Variants in CNTLN observed in about 807,000 individuals in gnomAD.
CNTLN encodes the protein centlein, centrosomal protein.
Under a neutral mutation model 180.0 loss-of-function variants are expected in CNTLN, and 212 were observed. The observed-to-expected ratio is 1.18, with a 90% confidence interval of 1.05 to 1.32. The LOEUF (loss-of-function observed/expected upper bound fraction) is 1.32, where lower values mean the gene tolerates loss of function less well. CNTLN is among the 40% of genes most tolerant of loss of function. CNTLN has a pLI of 0.00. For synonymous variants in CNTLN, 722 were observed against 563.1 expected (o/e 1.28, Z -3.99); for missense variants, 2,095 against 1,610.9 (o/e 1.30, Z -5.14).
At chr9:17,248,966 A>G (rs1417090707) in intron 5 of CNTLN, among the ~76,000 whole-genome samples, 1 of 151,118 alleles carries the variant, frequency 6.6e-6, no homozygotes, top group Non-Finnish European at 1.5e-5. Flanking sequence ...TTTTTTCTTT[A>G]GTAATCTAGC....
intron 23 of CNTLN, among the ~76,000 whole-genome samples, chr9:17,473,956 G>A (rs1289294324): frequency 6.6e-6 from 1 of 152,038 alleles, no homozygotes; most frequent in Non-Finnish European, 1.5e-5. Context: ...ACACTGTATT[G>A]GTTTTCCTCA....
chr9:17,486,975 T>A lies in CNTLN; in HGVS notation c.4042-14T>A. On this transcript the variant is annotated splice_polypyrimidine_tract_variant and intron_variant, in intron 24 of 25. Coordinates refer to ENST00000380647, the MANE Select transcript of CNTLN (RefSeq NM_017738.4). ...AATTTCGTTAACACCAGTGTTTTTA[T>A]TTTTTTTCTTCAGGAAATTGAAAAA... 1 of 1,493,760 alleles carries A rather than the reference T, an allele frequency of 6.7e-7. No homozygotes were observed. The allele number at this position is 1,493,760 out of a possible 1,614,324, so 92.5% of individuals were successfully genotyped here. A position where few individuals can be genotyped will look rare whatever the true frequency, so the allele number is the denominator to read the frequency against.
intron 18 of CNTLN, among the ~76,000 whole-genome samples, chr9:17,441,516 G>A (rs984512961): frequency 1.3e-5 from 2 of 151,350 alleles, no homozygotes; most frequent in South Asian, 4.2e-4. Flanking sequence ...TTTTATGTAA[G>A]CTCCATGGTG....
At chr9:17,504,766 G>A (rs1188290865), downstream of CNTLN, among the ~76,000 whole-genome samples, 1 of 152,142 alleles carries the variant, frequency 6.6e-6, no homozygotes, top group Non-Finnish European at 1.5e-5. Context: ...GATGTGGATG[G>A]CCCTTGGAGA....
At position 17,484,323 on chromosome 9, in the gene CNTLN, TCCATGTGGTAAGGCGA is replaced by T; in HGVS notation, c.3886_3901del (p.His1296LysfsTer2). The T allele has an allele frequency of 6.2e-7, 1 of 1,604,306 alleles. No homozygotes were observed. The highest frequency in any genetic ancestry group is 1.7e-4 in the Middle Eastern group (1 of 6,018). On this transcript the variant is annotated frameshift_variant, in exon 24 of 26. Coordinates refer to ENST00000380647, the MANE Select transcript of CNTLN (RefSeq NM_017738.4). LOFTEE classifies it high-confidence loss of function. ...TTGGCCAAAGAGTTGCAAAATGATGTCCATGTGGTAAGGCGACAAATAAGAGAGCTTAAAAAAATGA... is the reference window on the plus strand; with the variant it reads ...TTGGCCAAAGAGTTGCAAAATGATGTCAAATAAGAGAGCTTAAAAAAATGA...
chr9:17,167,630 T>A (rs1301918813), intron 2 of CNTLN: 5 of 152,214 alleles, frequency 3.3e-5, no homozygotes. Context: ...TGAAAAATTC[T>A]ACAATGAGGT....
intron 23 of CNTLN, among the ~76,000 whole-genome samples, chr9:17,469,870 T>TGATTCCTTGTGCCTCAGTTTCCTTA (rs1564133337): frequency 3.3e-5 from 5 of 152,064 alleles, no homozygotes; most frequent in African/African-American, 1.2e-4. Context: ...GGATCGTGAC[T>TGATTCCTTGTGCCTCAGTTTCCTTA]GATTCCTTGT....
intron 1 of CNTLN, among the ~76,000 whole-genome samples, chr9:17,138,380 A>G (rs1029374190): frequency 6.6e-6 from 1 of 152,226 alleles, no homozygotes; most frequent in Non-Finnish European, 1.5e-5. Context: ...GGGTATTTAA[A>G]TGAAATATGA....
intron 6 of CNTLN, among the ~76,000 whole-genome samples, chr9:17,297,541 C>T (rs1272403525): frequency 6.6e-6 from 1 of 151,762 alleles, no homozygotes; most frequent in Non-Finnish European, 1.5e-5. Context: ...CTCTTAGTGC[C>T]ATCATTACCA....
chr9:17,484,848 GT>G (rs549615980), intron 24 of CNTLN, among the ~76,000 whole-genome samples: 1 of 151,882 alleles, frequency 6.6e-6, no homozygotes, highest in Non-Finnish European at 1.5e-5. Context: ...TTGATTTGAA[GT>G]TTTTTTCTCT....
At chr9:17,219,456 C>T (rs950663469) in intron 2 of CNTLN, among the ~76,000 whole-genome samples, 43 of 152,006 alleles carry the variant, frequency 2.8e-4, no homozygotes, top group South Asian at 1.2e-3. Flanking sequence ...CTCATACCAC[C>T]AGGAGGAGCT....
At chr9:17,463,306 G>A (rs1470117373) in intron 20 of CNTLN, among the ~76,000 whole-genome samples, 2 of 151,544 alleles carry the variant, frequency 1.3e-5, no homozygotes, top group Admixed American at 1.3e-4. Flanking sequence ...TTACAACGTG[G>A]TGGTTATTTG....
At chr9:17,419,577 T>C (rs1828543077) in intron 18 of CNTLN, among the ~76,000 whole-genome samples, 1 of 152,160 alleles carries the variant, frequency 6.6e-6, no homozygotes, top group African/African-American at 2.4e-5. Context: ...AATAATGATA[T>C]TTTCTCACAC....
intron 5 of CNTLN, among the ~76,000 whole-genome samples, chr9:17,239,029 T>C (rs1167512290): frequency 6.6e-6 from 1 of 152,134 alleles, no homozygotes; most frequent in East Asian, 1.9e-4. Context: ...GATATCTCAT[T>C]ATGGTTTTTT....
intron 16 of CNTLN, among the ~76,000 whole-genome samples, chr9:17,413,290 A>G (rs1473231226): frequency 1.3e-5 from 2 of 152,204 alleles, no homozygotes; most frequent in Non-Finnish European, 2.9e-5. Flanking sequence ...ATAAATGTAG[A>G]ATATTAAATC....
intron 2 of CNTLN, among the ~76,000 whole-genome samples, chr9:17,215,343 A>T (rs1040368632): frequency 1.3e-5 from 2 of 152,240 alleles, no homozygotes; most frequent in African/African-American, 4.8e-5. Context: ...CCTGGGTGTC[A>T]GCAGCGGAGG....
chr9:17,328,800 T>C (rs1281253981), intron 8 of CNTLN, among the ~76,000 whole-genome samples: 1 of 152,158 alleles, frequency 6.6e-6, no homozygotes, highest in Non-Finnish European at 1.5e-5. Flanking sequence ...TCTTTGATAG[T>C]ATTTTAATTG....
intron 3 of CNTLN, among the ~76,000 whole-genome samples, chr9:17,231,861 C>A (rs143691508): frequency 6.6e-6 from 1 of 150,518 alleles, no homozygotes. Context: ...CTATTATTCT[C>A]TTGTTACTCT....
intron 12 of CNTLN, among the ~76,000 whole-genome samples, chr9:17,350,021 C>G (rs577522646): frequency 2.0e-5 from 3 of 152,298 alleles, no homozygotes; most frequent in African/African-American, 7.2e-5. Flanking sequence ...AGCTTTCTCA[C>G]TCAGTTGAAG....
Sources: gnomAD v4.1 joint callset for allele counts (sites outside exome capture counted in the v4.1 genomes callset) on GRCh38, gnomAD v4.1.1 for gene constraint, MANE v1.5 for transcripts, NCBI Gene and HGNC (gene_info 2026-07-23, HGNC 2026-07-21) for gene names.